KIF13B: variants seen among roughly 807,000 people sequenced by gnomAD.
KIF13B encodes kinesin-like protein KIF13B.
A neutral mutation model predicts 222.0 loss-of-function variants in KIF13B; 127 were observed. The ratio of observed to expected loss-of-function variants is 0.57; its 90% CI spans 0.50 to 0.66. The LOEUF is 0.66. KIF13B is among the 30% of genes least tolerant of loss of function. The pLI is 0.00. For missense variants in KIF13B, 2,173 were observed against 2,379.0 expected, an observed-to-expected ratio of 0.91 and a Z score of 1.80; for synonymous variants, 976 against 919.0, an observed-to-expected ratio of 1.06 and a Z score of -1.12.
At chr8:29,214,677 A>C (rs886747634) in intron 2 of KIF13B, among the ~76,000 whole-genome samples, 1 of 152,376 alleles carries the variant, frequency 6.6e-6, no homozygotes, top group Non-Finnish European at 1.5e-5. Flanking sequence ...CCAGTAACAT[A>C]GTCATTTATG....
At chr8:29,181,635 A>G (rs1243464464) in intron 7 of KIF13B, among the ~76,000 whole-genome samples, 1 of 152,234 alleles carries the variant, frequency 6.6e-6, no homozygotes, top group East Asian at 1.9e-4. Flanking sequence ...CAGAATGGGA[A>G]AACAACAACA....
intron 6 of KIF13B, among the ~76,000 whole-genome samples, chr8:29,184,881 T>C (rs905985956): frequency 6.6e-6 from 1 of 152,076 alleles, no homozygotes; most frequent in African/African-American, 2.4e-5. Context: ...GAAAAAAATA[T>C]ACAGGGATAT....
intron 15 of KIF13B, among the ~76,000 whole-genome samples, chr8:29,148,983 T>C (rs2130005128): frequency 6.6e-6 from 1 of 152,224 alleles, no homozygotes; most frequent in South Asian, 2.1e-4. Flanking sequence ...CACACGCCTG[T>C]GACAAGCTCA....
chr8:29,204,223 A>T (rs1469951270), intron 2 of KIF13B, among the ~76,000 whole-genome samples: 1 of 152,242 alleles, frequency 6.6e-6, no homozygotes, highest in African/African-American at 2.4e-5. Context: ...AGTATATTTC[A>T]TAATCATAGG....
At chr8:29,223,996 ATTT>A (rs199688774) in intron 2 of KIF13B, among the ~76,000 whole-genome samples, 1 of 137,770 alleles carries the variant, frequency 7.3e-6, no homozygotes, top group East Asian at 2.2e-4. Flanking sequence ...CAGCCTACCA[ATTT>A]TTTTTTTCTT....
intron 2 of KIF13B, among the ~76,000 whole-genome samples, chr8:29,231,576 C>T (rs1452199577): frequency 1.3e-5 from 2 of 152,170 alleles, no homozygotes; most frequent in Admixed American, 6.5e-5. Context: ...AGCTTCCGTG[C>T]TCCTTACATG....
At position 29,116,893 on chromosome 8, in the gene KIF13B, G is replaced by A; in HGVS notation, c.3775C>T (p.His1259Tyr). 6.2e-7 allele frequency: 1 copy of A among 1,613,702 alleles called. No homozygotes were observed. The highest frequency in any genetic ancestry group is 1.7e-5 in the Admixed American group (1 of 60,012). Residue 1259 changes from histidine (H) to tyrosine (Y), a missense_variant, in exon 31 of 40, where the codon CAC becomes TAC. His to Tyr is a moderately conservative substitution (Grantham distance 83). Coordinates refer to ENST00000524189, the MANE Select transcript of KIF13B (RefSeq NM_015254.4). ...LIVRVTVQLS[H>Y]PADMQLVLRK... ...AACACCAGTTGCATGTCAGCAGGGT[G>A]GCTGAGCTGGACCGTCACGCGCACG...
rs754148927 is a variant in KIF13B at position 29,140,439 on chromosome 8, A to G, written c.2484+29T>C. The G allele has an allele frequency of 1.9e-6, 3 of 1,604,918 alleles. No individual in the cohort carries two copies. In the East Asian group the frequency reaches 6.7e-5, roughly 36 times the overall value. On this transcript the variant is annotated intron_variant, in intron 20 of 39. Coordinates refer to ENST00000524189, the MANE Select transcript of KIF13B (RefSeq NM_015254.4). ...TCTTGTTTCTTAAACTATTCTCTAC[A>G]GGAAACAAGGCATGAAGAGAAAACC...
chr8:29,189,789 G>A (rs1199936451), intron 4 of KIF13B: 2 of 152,260 alleles, frequency 1.3e-5, no homozygotes, highest in Non-Finnish European at 2.9e-5. Flanking sequence ...GCAATCTAAG[G>A]GGCGACCTTG....
At chr8:29,240,441 A>T (rs1815723505) in intron 2 of KIF13B, among the ~76,000 whole-genome samples, 1 of 152,194 alleles carries the variant, frequency 6.6e-6, no homozygotes, top group African/African-American at 2.4e-5. Context: ...TGTGGTGGAG[A>T]GAGAAAGGGT....
intron 6 of KIF13B, among the ~76,000 whole-genome samples, chr8:29,183,003 T>C (rs1191399240): frequency 6.6e-6 from 1 of 152,010 alleles, no homozygotes; most frequent in Non-Finnish European, 1.5e-5. Flanking sequence ...CAATTCTCAT[T>C]TGTCAATTAA....
At chr8:29,220,549 AT>A (rs920865037) in intron 2 of KIF13B, among the ~76,000 whole-genome samples, 6 of 139,142 alleles carry the variant, frequency 4.3e-5, no homozygotes, top group African/African-American at 5.9e-5. Context: ...AAATTTCTTT[AT>A]TTAAAAAAAA....
rs1225474229 is a variant in KIF13B at position 29,075,337 on chromosome 8, G to A, written c.4465C>T (p.Pro1489Ser). The A allele has an allele frequency of 6.4e-7, 1 of 1,558,552 alleles. No individual in the cohort carries two copies. Among genetic ancestry groups the A allele is most frequent in the Non-Finnish European group, 8.7e-7 (1 of 1,150,744 alleles). The change falls in exon 38 of 40, where the codon CCC becomes TCC. Residue 1489 changes from proline (P) to serine (S), a missense_variant. Physicochemically the swap from Pro to Ser is moderately conservative, Grantham distance 74. Around this residue, in one of 2 missense-constraint regions of KIF13B, gnomAD observed 693 missense variants for 656.2 expected, o/e 1.06. Transcript: ENST00000524189. ...CTGGCTGACTGCACCATGATGCGGG[G>A]CACGGGCTGAGGAGGCAAGTGTGCA... Reference protein sequence around the residue: ...RPSPLAHQPVPRIMVQSASPD... With the variant: ...RPSPLAHQPVSRIMVQSASPD...
intron 11 of KIF13B, among the ~76,000 whole-genome samples, chr8:29,166,026 T>C (rs989492954): frequency 1.8e-4 from 27 of 150,886 alleles, no homozygotes; most frequent in African/African-American, 5.4e-4. Flanking sequence ...TATAATTACA[T>C]TTAAGGATGC....
chr8:29,123,283 C>A, intron 28 of KIF13B, 83 bp downstream of exon 28: 1 of 1,521,480 alleles, frequency 6.6e-7, no homozygotes, highest in Admixed American at 1.8e-5. Flanking sequence ...CTTCCATTAA[C>A]CGTAGCACAC....
intron 2 of KIF13B, among the ~76,000 whole-genome samples, chr8:29,206,625 T>C (rs1813953271): frequency 6.6e-6 from 1 of 152,222 alleles, no homozygotes; most frequent in African/African-American, 2.4e-5. Flanking sequence ...ACCTCCCTTT[T>C]TCCTTCTGAT....
Position 29,070,868 on chromosome 8 carries a change from C to A in KIF13B, c.5219-102G>T. The A allele has an allele frequency of 1.6e-6, 2 of 1,264,924 alleles. No homozygotes were observed. Among genetic ancestry groups the A allele is most frequent in the Non-Finnish European group, 2.2e-6 (2 of 902,214 alleles). The allele number at this position is 1,264,924 out of a possible 1,614,324, so 78.4% of individuals were successfully genotyped here. ...AGGCCATGTGCCCACACTGCCACCCCCCCGCACAGGCCCTACACAGCCAGC... is the reference window on the plus strand; with the variant it reads ...AGGCCATGTGCCCACACTGCCACCCACCCGCACAGGCCCTACACAGCCAGC... On this transcript the variant is annotated intron_variant, in intron 39 of 39. Coordinates refer to ENST00000524189, the MANE Select transcript of KIF13B (RefSeq NM_015254.4). This position sits in a 1 kb window ranked among gnomAD's most constrained non-coding sequence, Gnocchi z 4.1.
intron 21 of KIF13B, among the ~76,000 whole-genome samples, chr8:29,136,925 G>A (rs554968190): frequency 1.4e-3 from 213 of 148,046 alleles, no homozygotes; most frequent in Admixed American, 2.8e-3. Context: ...TCAGCCTCCC[G>A]AGTAGCTGGG....
chr8:29,133,825 T>C (rs541485444), intron 22 of KIF13B, among the ~76,000 whole-genome samples: 2 of 152,358 alleles, frequency 1.3e-5, no homozygotes, highest in African/African-American at 4.8e-5. Flanking sequence ...AATATGCATA[T>C]ATACATACAT....
Sources: allele counts gnomAD v4.1 joint callset (sites outside exome capture counted in the v4.1 genomes callset), GRCh38; gene constraint gnomAD v4.1.1; regional missense constraint gnomAD v4.1.1; non-coding constraint Gnocchi (gnomAD v3.1); transcripts MANE v1.5; gene names NCBI Gene and HGNC (gene_info 2026-07-23, HGNC 2026-07-21).